PRKD3: variants seen among roughly 807,000 people sequenced by gnomAD.
The protein encoded by PRKD3 is protein kinase D3, also known as serine/threonine-protein kinase D3.
In PRKD3, 47 loss-of-function variants were observed where a neutral mutation model predicts 99.2. The ratio of observed to expected loss-of-function variants is 0.47; its 90% CI spans 0.38 to 0.60. PRKD3 has a LOEUF of 0.60. Ranked by LOEUF, PRKD3 falls within the 20% of genes least tolerant of loss-of-function variation. The pLI is 0.00. For missense variants in PRKD3, 1,019 were observed against 1,088.4 expected (o/e 0.94, Z 0.90); for synonymous variants, 392 against 355.4 (o/e 1.10, Z -1.16).
Position 37,316,879 on chromosome 2 carries a change from T to C in PRKD3, c.-355A>G, listed in dbSNP as rs1671689307. On this transcript the variant is annotated 5_prime_UTR_variant, in exon 2 of 19. Coordinates refer to ENST00000234179, the MANE Select transcript of PRKD3 (RefSeq NM_005813.6). Reference sequence around the variant, plus strand: ...TTTCAGTCTGTACTTGTCTCTTTAATTTCAGGAAATACATATTGAATAAAA... The same window carrying C: ...TTTCAGTCTGTACTTGTCTCTTTAACTTCAGGAAATACATATTGAATAAAA... The C allele has an allele frequency of 9.7e-7, 1 of 1,027,788 alleles. No individual in the cohort carries two copies. The highest frequency in any genetic ancestry group is 5.2e-5 in the Admixed American group (1 of 19,198). The allele number at this position is 1,027,788 out of a possible 1,614,324, so 63.7% of individuals were successfully genotyped here.
intron 9 of PRKD3, 52 bp downstream of exon 9, chr2:37,277,814 G>GA (rs1395013452): frequency 1.3e-6 from 2 of 1,582,962 alleles, no homozygotes; most frequent in Non-Finnish European, 1.7e-6. Context: ...TGCACAGAAT[G>GA]AAACTCATAA....
In PRKD3 at chr2:37,316,575, A is replaced by G. The variant is rs1218678057; in HGVS notation, c.-51T>C. The G allele has an allele frequency of 3.2e-6, 5 of 1,552,420 alleles. No homozygotes were observed. The highest frequency in any genetic ancestry group is 3.5e-6 in the Non-Finnish European group (4 of 1,153,526). Reference sequence around the variant, plus strand: ...AGTTGTCGATTCTTTTTCAATGGTTATGAAGAGGTTTTTAAAATAACAGCA... The same window carrying G: ...AGTTGTCGATTCTTTTTCAATGGTTGTGAAGAGGTTTTTAAAATAACAGCA... On this transcript the variant is annotated 5_prime_UTR_variant, in exon 2 of 19. It removes the in-frame stop codon of an upstream open reading frame in the 5' UTR. Coordinates refer to ENST00000234179, the MANE Select transcript of PRKD3 (RefSeq NM_005813.6).
In PRKD3 at chr2:37,275,536, GC is replaced by G. The variant is rs1669525277; in HGVS notation, c.1374+230del. Among the ~76,000 whole-genome samples the G allele has an allele frequency of 2.6e-5, 4 of 152,106 alleles. No homozygotes were observed. The South Asian group carries it at 8.3e-4, about 31-fold the overall frequency. ...AAAGCAGCAGCAACCTGACAGGCAA[GC>G]CAGAAATAAATAAATACACGACAAC... On this transcript the variant is annotated intron_variant, in intron 10 of 18. Transcript: ENST00000234179.
At chr2:37,323,115 T>C (rs1671954846) in intron 1 of PRKD3, among the ~76,000 whole-genome samples, 1 of 151,948 alleles carries the variant, frequency 6.6e-6, no homozygotes. Flanking sequence ...GTTCTGTGTG[T>C]GTGGCAGTGT....
chr2:37,287,228 C>A (rs1413291099), intron 5 of PRKD3, among the ~76,000 whole-genome samples: 1 of 45,252 alleles, frequency 2.2e-5, no homozygotes, highest in African/African-American at 1.1e-4. Context: ...GAAACTCCAT[C>A]TCAAAAAAAA....
In PRKD3 at chr2:37,252,134, A is replaced by C. The variant is rs1337472788; in HGVS notation, c.*1043T>G. On this transcript the variant is annotated 3_prime_UTR_variant, in exon 19 of 19. Coordinates refer to ENST00000234179, the MANE Select transcript of PRKD3 (RefSeq NM_005813.6). ...ACATCCCCTCAAACTGCTTAAAATAATTGACTTTAAAACACTCCAGATATC... is the reference window on the plus strand; with the variant it reads ...ACATCCCCTCAAACTGCTTAAAATACTTGACTTTAAAACACTCCAGATATC... The C allele has an allele frequency of 2.6e-5, 4 of 152,210 alleles. No individual in the cohort carries two copies. The highest frequency in any genetic ancestry group is 4.4e-5 in the Non-Finnish European group (3 of 68,024). 9.4% of individuals were successfully genotyped at this position (152,210 alleles called of 1,614,324 possible).
At position 37,308,684 on chromosome 2, in the gene PRKD3, A is replaced by G. The variant is rs577476430; in HGVS notation, c.288+7553T>C. ...TGGCCAGGCTGGTCTCAAACTCCTGACCTCAGGTGATCCACCCACCTCAGC... is the reference window on the plus strand; with the variant it reads ...TGGCCAGGCTGGTCTCAAACTCCTGGCCTCAGGTGATCCACCCACCTCAGC... On this transcript the variant is annotated intron_variant, in intron 2 of 18. Coordinates refer to ENST00000234179, the MANE Select transcript of PRKD3 (RefSeq NM_005813.6). Among the ~76,000 whole-genome samples the G allele has an allele frequency of 4.8e-4, 73 of 152,188 alleles. No individual in the cohort carries two copies. The South Asian group carries it at 0.015, about 31-fold the overall frequency.
intron 13 of PRKD3, chr2:37,268,262 G>C (rs1010976497): frequency 4.3e-6 from 2 of 468,012 alleles, no homozygotes; most frequent in Non-Finnish European, 8.8e-6. Context: ...TGAAAAGACT[G>C]AACAAATGTG....
rs35158902 is a variant in PRKD3 at position 37,320,423 on chromosome 2, C to CTTT, written c.-655-3247_-655-3245dup. On this transcript the variant is annotated intron_variant, in intron 1 of 18. Coordinates refer to ENST00000234179, the MANE Select transcript of PRKD3 (RefSeq NM_005813.6). ...AATAAAACTGTATGCAAGTTAACGA[C>CTTT]TTTTTTTTTTTTTTTTTTTTTTTTT... 3.6e-3 allele frequency among the ~76,000 whole-genome samples: 285 copies of CTTT among 78,162 alleles called. 29 individuals carry two copies. Among genetic ancestry groups the CTTT allele is most frequent in the East Asian group, 0.019 (38 of 1,954 alleles). The allele number at this position is 78,162 out of a possible 152,430, so 51.3% of individuals were successfully genotyped here.
intron 2 of PRKD3, among the ~76,000 whole-genome samples, chr2:37,309,566 G>A (rs1402417065): frequency 1.3e-5 from 2 of 152,042 alleles, no homozygotes; most frequent in Admixed American, 1.3e-4. Flanking sequence ...AGCATATTTG[G>A]CCAAGCACGG....
At chr2:37,308,533 C>T (rs1461177949) in intron 2 of PRKD3, among the ~76,000 whole-genome samples, 1 of 148,578 alleles carries the variant, frequency 6.7e-6, no homozygotes, top group African/African-American at 2.5e-5. Flanking sequence ...CCCCACCCAC[C>T]TCCCTCCCCA....
At chr2:37,268,793 C>G (rs1299943171) in intron 13 of PRKD3, 1 of 154,552 alleles carries the variant, frequency 6.5e-6, no homozygotes, top group East Asian at 1.9e-4. Flanking sequence ...GCAATTAGAT[C>G]TGAGGCTAGA....
intron 10 of PRKD3, 28 bp from the exon 11 acceptor site, chr2:37,274,725 A>G (rs777664997): frequency 2.5e-6 from 4 of 1,583,164 alleles, no homozygotes; most frequent in Non-Finnish European, 3.5e-6. Context: ...GCATTGAAAA[A>G]TAAGAATAGA....
At chr2:37,303,196 C>T (rs112338973) in intron 2 of PRKD3, among the ~76,000 whole-genome samples, 15 of 152,138 alleles carry the variant, frequency 9.9e-5, no homozygotes, top group African/African-American at 3.1e-4. Context: ...ATTACCTGCC[C>T]GTCCCGTCCC....
rs1042298265 is a variant in PRKD3 at position 37,264,739 on chromosome 2, T to TG, written c.1884+2690dup. Among the ~76,000 whole-genome samples the TG allele has an allele frequency of 6.6e-5, 10 of 151,960 alleles. 1 individual carries two copies. Among genetic ancestry groups the TG allele is most frequent in the South Asian group, 2.1e-4 (1 of 4,814 alleles). ...GCAAGAAAGTCAACATGGCTATTTT[T>TG]GGGGGGGAAAAAAAAAGACTCAATT... On this transcript the variant is annotated intron_variant, in intron 14 of 18. Coordinates refer to ENST00000234179, the MANE Select transcript of PRKD3 (RefSeq NM_005813.6).
chr2:37,259,202 G>A (rs1668221228), intron 16 of PRKD3, among the ~76,000 whole-genome samples: 2 of 152,168 alleles, frequency 1.3e-5, no homozygotes, highest in Admixed American at 6.6e-5. Flanking sequence ...CATAGAAAAA[G>A]GAGGTGGCTG....
intron 17 of PRKD3, among the ~76,000 whole-genome samples, chr2:37,255,350 T>C (rs1667851060): frequency 6.6e-6 from 1 of 152,200 alleles, no homozygotes; most frequent in Non-Finnish European, 1.5e-5. Context: ...GCTGGTTAAA[T>C]CCAGATGGGG....
chr2:37,294,035 T>C (rs1284983562), intron 2 of PRKD3, among the ~76,000 whole-genome samples: 1 of 152,242 alleles, frequency 6.6e-6, no homozygotes, highest in Non-Finnish European at 1.5e-5. Context: ...TAACCTAGTT[T>C]CATCTCATTT....
At chr2:37,314,893 C>T (rs1334980226) in intron 2 of PRKD3, among the ~76,000 whole-genome samples, 1 of 152,008 alleles carries the variant, frequency 6.6e-6, no homozygotes, top group Non-Finnish European at 1.5e-5. Context: ...TACAGGTCTA[C>T]AGAAGTAAAG....
Sources: gnomAD v4.1 joint callset for allele counts (sites outside exome capture counted in the v4.1 genomes callset) on GRCh38, gnomAD v4.1.1 for gene constraint, MANE v1.5 for transcripts, NCBI Gene and HGNC (gene_info 2026-07-23, HGNC 2026-07-21) for gene names.